SNRPN: variants seen among roughly 807,000 people sequenced by gnomAD.
The protein encoded by SNRPN is small nuclear ribonucleoprotein-associated protein N.
SNRPN carries 7 observed loss-of-function variants against 25.2 expected under a neutral mutation model. The observed-to-expected ratio is 0.28, with a 90% CI of 0.16 to 0.52. The LOEUF (loss-of-function observed/expected upper bound fraction) is 0.52, where lower values mean the gene tolerates loss of function less well. Among genes scored for constraint, SNRPN ranks in the 20% least tolerant of loss-of-function variants. The pLI, the probability that SNRPN is intolerant of heterozygous loss-of-function variation, is 0.96. For missense variants in SNRPN, 196 were observed against 322.5 expected, an observed-to-expected ratio of 0.61 and a Z score of 3.00; for synonymous variants, 124 against 110.6, an observed-to-expected ratio of 1.12 and a Z score of -0.76.
At chr15:24,848,061 G>T (rs929474556) in intron 2 of SNRPN, among the ~76,000 whole-genome samples, 1 of 152,024 alleles carries the variant, frequency 6.6e-6, no homozygotes, top group African/African-American at 2.4e-5. Flanking sequence ...TGTCTCCGTG[G>T]CAGGGCCGGG....
intron 2 of SNRPN, among the ~76,000 whole-genome samples, chr15:24,905,763 G>C (rs940716866): frequency 2.0e-5 from 3 of 152,184 alleles, no homozygotes; most frequent in Admixed American, 6.5e-5. Flanking sequence ...AGATCAGCCA[G>C]TCAAGATTGT....
At chr15:24,961,625 A>C (rs932895083) in intron 1 of SNRPN, among the ~76,000 whole-genome samples, 1 of 152,092 alleles carries the variant, frequency 6.6e-6, no homozygotes. Context: ...GCAAATCCTA[A>C]AGAAAGCACC....
chr15:24,884,561 A>G (rs1057225067), intron 1 of SNRPN, among the ~76,000 whole-genome samples: 16 of 152,170 alleles, frequency 1.1e-4, no homozygotes, highest in African/African-American at 3.6e-4. Context: ...GCTGGTATGT[A>G]GACACCAGCA....
chr15:24,949,679 A>G (rs1388152921), intron 3 of SNRPN, among the ~76,000 whole-genome samples: 1 of 151,900 alleles, frequency 6.6e-6, no homozygotes, highest in African/African-American at 2.4e-5. Flanking sequence ...ACCCCATAAT[A>G]TGTGGCCTTT....
At chr15:24,831,694 T>C (rs765083006) in intron 2 of SNRPN, among the ~76,000 whole-genome samples, 18 of 152,048 alleles carry the variant, frequency 1.2e-4, no homozygotes, top group Non-Finnish European at 2.4e-4. Flanking sequence ...TGAGCTTTTT[T>C]AGATTCCGCT....
At chr15:24,925,066 A>G (rs959239336) in intron 3 of SNRPN, among the ~76,000 whole-genome samples, 8 of 152,024 alleles carry the variant, frequency 5.3e-5, no homozygotes, top group African/African-American at 1.9e-4. Context: ...CAGTAAGTAC[A>G]CAATCATATG....
At chr15:24,936,982 C>T (rs901672244) in intron 3 of SNRPN, among the ~76,000 whole-genome samples, 2 of 152,144 alleles carry the variant, frequency 1.3e-5, no homozygotes, top group African/African-American at 2.4e-5. Flanking sequence ...CGATGGCTCA[C>T]GTGTGTAATC....
At chr15:24,916,565 A>G (rs1305431541) in intron 2 of SNRPN, among the ~76,000 whole-genome samples, 1 of 152,202 alleles carries the variant, frequency 6.6e-6, no homozygotes, top group African/African-American at 2.4e-5. Flanking sequence ...GAAGAAAAAA[A>G]AAGAAGAAAA....
At chr15:24,872,046 A>G (rs7175237) in intron 1 of SNRPN, among the ~76,000 whole-genome samples, 40,299 of 119,896 alleles carry the variant, frequency 0.34, 14,380 homozygotes, top group African/African-American at 0.48. Context: ...TCTTGATAGT[A>G]TATGTTGAAT....
chr15:24,918,355 ATT>A (rs2059676013), intron 2 of SNRPN, among the ~76,000 whole-genome samples: 2 of 109,956 alleles, frequency 1.8e-5, no homozygotes, highest in African/African-American at 3.5e-5. Context: ...TATATATAAC[ATT>A]ATATATATGT....
intron 3 of SNRPN, among the ~76,000 whole-genome samples, chr15:24,934,783 C>T (rs2061119633): frequency 6.6e-6 from 1 of 152,116 alleles, no homozygotes; most frequent in Admixed American, 6.6e-5. Context: ...TCTTAAACTC[C>T]TGAGCTCAAG....
At chr15:24,939,501 C>T (rs576852191) in intron 3 of SNRPN, among the ~76,000 whole-genome samples, 3 of 152,240 alleles carry the variant, frequency 2.0e-5, no homozygotes, top group East Asian at 1.9e-4. Context: ...GGCCCAATCT[C>T]GGCTCACTGC....
At chr15:24,833,189 C>T (rs74005361) in intron 2 of SNRPN, among the ~76,000 whole-genome samples, 3,007 of 148,706 alleles carry the variant, frequency 0.02, 106 homozygotes, top group African/African-American at 0.069. Flanking sequence ...GAGCTTGGTT[C>T]CTGGGTTGCT....
intron 3 of SNRPN, among the ~76,000 whole-genome samples, chr15:24,943,853 G>A (rs186766816): frequency 3.3e-5 from 5 of 151,606 alleles, no homozygotes; most frequent in African/African-American, 7.3e-5. Context: ...ACAGGGTCTC[G>A]CCCTGTTTCC....
chr15:24,837,647 G>A (rs1461335054), intron 2 of SNRPN, among the ~76,000 whole-genome samples: 2 of 151,922 alleles, frequency 1.3e-5, no homozygotes, highest in East Asian at 1.9e-4. Flanking sequence ...GGGATTACAG[G>A]CGTGAGCCAC....
rs1566909947 is a variant in SNRPN, at chr15:24,918,763, CATATATATATA to C, written c.-504-1246_-504-1236del. Among the ~76,000 whole-genome samples the C allele has an allele frequency of 4.5e-4, 14 of 31,368 alleles. 5 individuals are homozygous for C. The highest frequency in any genetic ancestry group is 6.8e-4 in the African/African-American group (4 of 5,878). 20.6% of individuals were successfully genotyped at this position (31,368 alleles called of 152,430 possible). On this transcript the variant is annotated intron_variant, in intron 2 of 11. Coordinates refer to the SNRPN transcript ENST00000400097. ...ATATATAACATAATATATATGTGTG[CATATATATATA>C]ACATAATATATATGTGTGCATATAT...
At chr15:24,894,075 A>G (rs2057888116) in intron 2 of SNRPN, among the ~76,000 whole-genome samples, 1 of 152,190 alleles carries the variant, frequency 6.6e-6, no homozygotes, top group African/African-American at 2.4e-5. Flanking sequence ...AGAGCTGGCA[A>G]TAGATGTTAG....
chr15:24,868,368 G>A (rs1052070522), intron 1 of SNRPN, among the ~76,000 whole-genome samples: 6 of 152,276 alleles, frequency 3.9e-5, no homozygotes, highest in Non-Finnish European at 7.3e-5. Context: ...TCCAGAGGCT[G>A]CATTCAGCTC....
intron 3 of SNRPN, among the ~76,000 whole-genome samples, chr15:24,936,523 C>T (rs1224522378): frequency 3.3e-5 from 5 of 152,062 alleles, no homozygotes; most frequent in East Asian, 1.9e-4. Context: ...AAGAACTACC[C>T]GAGCCTGGGT....
Sources: gnomAD v4.1 joint callset for allele counts (sites outside exome capture counted in the v4.1 genomes callset) on GRCh38, gnomAD v4.1.1 for gene constraint, MANE v1.5 for transcripts, NCBI Gene and HGNC (gene_info 2026-07-23, HGNC 2026-07-21) for gene names.